Variants in CCDC146 observed in about 807,000 individuals in gnomAD.
The protein encoded by CCDC146 is coiled-coil domain containing 146, also known as coiled-coil domain-containing protein 146.
Under a neutral mutation model 119.3 loss-of-function variants are expected in CCDC146, and 92 were observed. The observed-to-expected ratio is 0.77, with a 90% CI of 0.65 to 0.92. The LOEUF is 0.92. Ranked by LOEUF, CCDC146 falls within the 40% of genes least tolerant of loss-of-function variation. CCDC146 has a pLI of 0.00. For synonymous variants in CCDC146, 372 were observed against 371.8 expected (o/e 1.00, Z -0.01); for missense variants, 1,000 against 1,103.0 (o/e 0.91, Z 1.32).
At chr7:77,256,283 TAA>T (rs765968281) in intron 5 of CCDC146, 48 bp from the exon 6 acceptor site, 1 of 1,373,284 alleles carries the variant, frequency 7.3e-7, no homozygotes, top group Non-Finnish European at 9.8e-7. Flanking sequence ...TTTAGGTAGA[TAA>T]ATGTTTGCTC....
intron 17 of CCDC146, among the ~76,000 whole-genome samples, chr7:77,288,306 G>A (rs1313531275): frequency 6.6e-6 from 1 of 152,236 alleles, no homozygotes; most frequent in Non-Finnish European, 1.5e-5. Flanking sequence ...AGGAATACCT[G>A]AGGCTGGGTA....
intron 1 of CCDC146, among the ~76,000 whole-genome samples, chr7:77,149,189 C>G (rs1265427541): frequency 6.6e-6 from 1 of 152,204 alleles, no homozygotes; most frequent in Non-Finnish European, 1.5e-5. Context: ...CTACAACCAT[C>G]TGATCTTTGA....
intron 1 of CCDC146, among the ~76,000 whole-genome samples, chr7:77,128,650 GTT>G: frequency 6.6e-6 from 1 of 151,192 alleles, no homozygotes; most frequent in Non-Finnish European, 1.5e-5. Flanking sequence ...TTTTCTTTCC[GTT>G]TTGGTCTGCT....
intron 1 of CCDC146, among the ~76,000 whole-genome samples, chr7:77,140,467 G>T (rs1790917266): frequency 1.3e-5 from 2 of 152,268 alleles, no homozygotes; most frequent in South Asian, 4.1e-4. Context: ...TTCTGATGAG[G>T]CTTTCTTGCT....
chr7:77,284,549 C>T (rs866288895), intron 15 of CCDC146, among the ~76,000 whole-genome samples: 3 of 151,984 alleles, frequency 2.0e-5, no homozygotes, highest in Non-Finnish European at 4.4e-5. Context: ...AAATCTGCAA[C>T]AGAATAATTT....
At chr7:77,161,252 A>G (rs1791256894) in intron 1 of CCDC146, among the ~76,000 whole-genome samples, 1 of 152,218 alleles carries the variant, frequency 6.6e-6, no homozygotes, top group South Asian at 2.1e-4. Flanking sequence ...ATCTAGAACT[A>G]GAAATACCAT....
Position 77,274,465 on chromosome 7 carries a change from GTGTT to G in CCDC146, c.1270-15_1270-12del, listed in dbSNP as rs1429576847. 2 of 1,437,298 alleles carry G rather than the reference GTGTT, an allele frequency of 1.4e-6. No individual in the cohort carries two copies. Among genetic ancestry groups the G allele is most frequent in the African/African-American group, 2.9e-5 (2 of 67,992 alleles). The allele number at this position is 1,437,298 out of a possible 1,614,324, so 89.0% of individuals were successfully genotyped here. ...AAACAAATAACTTATAATATTATCT[GTGTT>G]TTTTTTCAAAAGAAAATTATATCAG... On this transcript the variant is annotated splice_polypyrimidine_tract_variant and intron_variant, in intron 10 of 18. Coordinates refer to ENST00000285871, the MANE Select transcript of CCDC146 (RefSeq NM_020879.3).
chr7:77,291,707 C>G (rs1793946843), intron 17 of CCDC146, among the ~76,000 whole-genome samples: 1 of 152,082 alleles, frequency 6.6e-6, no homozygotes, highest in Non-Finnish European at 1.5e-5. Context: ...GACCCTGTCT[C>G]AAAACAAACG....
chr7:77,289,051 A>G (rs56023349), intron 17 of CCDC146, among the ~76,000 whole-genome samples: 35,434 of 143,774 alleles, frequency 0.25, 4,551 homozygotes, highest in African/African-American at 0.39. Flanking sequence ...TGTGCAAATC[A>G]CAACTTGGCC....
intron 2 of CCDC146, among the ~76,000 whole-genome samples, chr7:77,204,385 G>A (rs1792048109): frequency 6.6e-6 from 1 of 152,140 alleles, no homozygotes; most frequent in Non-Finnish European, 1.5e-5. Flanking sequence ...TTTGGTTAAA[G>A]CTAGAATAAT....
chr7:77,294,560 C>T (rs182256238), intron 18 of CCDC146, 103 bp from the exon 19 acceptor site: 143 of 1,058,698 alleles, frequency 1.4e-4, no homozygotes, highest in Admixed American at 1.8e-4. Context: ...TCAGCTAGCA[C>T]GGTCAAAGAC....
intron 9 of CCDC146, among the ~76,000 whole-genome samples, chr7:77,268,704 C>T (rs1243704522): frequency 1.3e-5 from 2 of 152,112 alleles, no homozygotes; most frequent in Non-Finnish European, 2.9e-5. Flanking sequence ...GTCAGAAGAC[C>T]TTGCATGCTA....
intron 9 of CCDC146, among the ~76,000 whole-genome samples, chr7:77,266,391 A>T (rs1022489990): frequency 1.3e-5 from 2 of 152,170 alleles, no homozygotes; most frequent in African/African-American, 2.4e-5. Flanking sequence ...TTCACCTTTG[A>T]GTCAGGCACA....
chr7:77,260,973 AT>A (rs1286686999), intron 8 of CCDC146, among the ~76,000 whole-genome samples: 1 of 151,960 alleles, frequency 6.6e-6, no homozygotes. Context: ...GGAGGCTTCT[AT>A]CTCTGCCAGT....
At chr7:77,140,104 AGGCT>A (rs933947133) in intron 1 of CCDC146, among the ~76,000 whole-genome samples, 6 of 151,942 alleles carry the variant, frequency 3.9e-5, no homozygotes, top group African/African-American at 1.5e-4. Flanking sequence ...CATGTTGGCC[AGGCT>A]GGTCTGGAAC....
chr7:77,293,159 G>A lies in CCDC146; in HGVS notation c.2623G>A (p.Asp875Asn). 2 of 1,614,142 alleles carry A rather than the reference G, an allele frequency of 1.2e-6. No individual in the cohort carries two copies. Among genetic ancestry groups the A allele is most frequent in the South Asian group, 1.1e-5 (1 of 91,078 alleles). The change falls in exon 18 of 19, where the codon GAT (aspartate) becomes AAT (asparagine). Residue 875 changes from aspartate (D) to asparagine (N), a missense_variant. Physicochemically the swap from Asp to Asn is conservative, Grantham distance 23. This residue lies in a region of CCDC146 where 985 missense variants were observed against 1,045.3 expected (regional missense o/e 0.94). Coordinates refer to ENST00000285871, the MANE Select transcript of CCDC146 (RefSeq NM_020879.3). ...GAAAGAATGGTTGAAAGTCCTTCGA[G>A]ATGAAGAAATGCACGCCTTGGCCAT... ...IEKEWLKVLR[D>N]EEMHALAIAE...
chr7:77,281,959 G>C (rs1426840045), intron 14 of CCDC146, among the ~76,000 whole-genome samples: 1 of 152,228 alleles, frequency 6.6e-6, no homozygotes, highest in Admixed American at 6.5e-5. Flanking sequence ...ATGCAGACCA[G>C]AGCTGCTGGG....
At chr7:77,159,186 T>C (rs1004576994) in intron 1 of CCDC146, among the ~76,000 whole-genome samples, 11 of 152,126 alleles carry the variant, frequency 7.2e-5, no homozygotes, top group African/African-American at 2.4e-4. Flanking sequence ...TCTAATCTCT[T>C]AGTAATTTTA....
In CCDC146 at chr7:77,222,262, G is replaced by T. The variant is rs772556427; in HGVS notation, c.157-14685G>T. ...CTACTTCTGTGAGTAGCCGTGAAAGGCTTCACTGTTCATCACAATCTGCCT... is the reference window on the plus strand; with the variant it reads ...CTACTTCTGTGAGTAGCCGTGAAAGTCTTCACTGTTCATCACAATCTGCCT... On this transcript the variant is annotated intron_variant, in intron 2 of 18. Coordinates refer to ENST00000285871, the MANE Select transcript of CCDC146 (RefSeq NM_020879.3). Among the ~76,000 whole-genome samples, 4 of 152,192 alleles carry T rather than the reference G, an allele frequency of 2.6e-5. No individual in the cohort carries two copies. The East Asian group carries it at 7.7e-4, about 29-fold the overall frequency.
Sources: gnomAD v4.1 joint callset for allele counts (sites outside exome capture counted in the v4.1 genomes callset) on GRCh38, gnomAD v4.1.1 for gene constraint, gnomAD v4.1.1 regional missense constraint, MANE v1.5 for transcripts, NCBI Gene and HGNC (gene_info 2026-07-23, HGNC 2026-07-21) for gene names.